The following TIPRL variants were observed in gnomAD, a reference collection of about 807,000 sequenced individuals.
TIPRL encodes TIP41-like protein.
A neutral mutation model predicts 32.3 loss-of-function variants in TIPRL; 10 were observed. That is an observed-to-expected ratio of 0.31 (90% CI 0.19 to 0.52). The LOEUF (loss-of-function observed/expected upper bound fraction) is 0.52, where lower values mean the gene tolerates loss of function less well. TIPRL is among the 20% of genes least tolerant of loss of function. The pLI is 0.96. For missense variants in TIPRL, 250 were observed against 328.1 expected (o/e 0.76, Z 1.84); for synonymous variants, 100 against 114.0 (o/e 0.88, Z 0.78).
chr1:168,183,026 A>G (rs957334783), intron 1 of TIPRL, among the ~76,000 whole-genome samples: 1 of 152,244 alleles, frequency 6.6e-6, no homozygotes, highest in Non-Finnish European at 1.5e-5. Flanking sequence ...AAGTTAGATC[A>G]CTGATATGTG....
At chr1:168,184,462 C>T (rs1700003846) in intron 2 of TIPRL, among the ~76,000 whole-genome samples, 1 of 152,054 alleles carries the variant, frequency 6.6e-6, no homozygotes. Flanking sequence ...ACATGTTTTT[C>T]TTTGATAGTC....
intron 4 of TIPRL, chr1:168,192,326 C>A: frequency 9.9e-7 from 1 of 1,010,684 alleles, no homozygotes; most frequent in Non-Finnish European, 1.2e-6. Flanking sequence ...AGCCCTCCAG[C>A]CTGGGCGACA....
rs869105832 is a variant in TIPRL at position 168,201,613 on chromosome 1, T to TAG, written c.*1569_*1570dup. On this transcript the variant is annotated 3_prime_UTR_variant, in exon 7 of 7. Transcript: ENST00000367833. Reference sequence around the variant, plus strand: ...AATGTTTTCTCTTAGGACAGAAAAGTAGACACACACACACACACACACACA... The same window carrying TAG: ...AATGTTTTCTCTTAGGACAGAAAAGTAGAGACACACACACACACACACACACA... 1 of 83,652 alleles carries TAG rather than the reference T, an allele frequency of 1.2e-5. No individual in the cohort carries two copies. The highest frequency in any genetic ancestry group is 3.1e-4 in the East Asian group (1 of 3,228). The allele number at this position is 83,652 out of a possible 1,614,324, so 5.2% of individuals were successfully genotyped here.
chr1:168,199,776 G>A, intron 6 of TIPRL, 127 bp from the exon 7 acceptor site: 1 of 784,818 alleles, frequency 1.3e-6, no homozygotes, highest in Non-Finnish European at 2.0e-6. Flanking sequence ...TTATTTTTAG[G>A]AGCACATATG....
At position 168,179,017 on chromosome 1, in the gene TIPRL, T is replaced by C. The variant is rs1342699553; in HGVS notation, c.-61T>C. On this transcript the variant is annotated 5_prime_UTR_variant, in exon 1 of 7. Coordinates refer to ENST00000367833, the MANE Select transcript of TIPRL (RefSeq NM_152902.5). Reference sequence around the variant, plus strand: ...GGCCGGAGGGAGGCGGAGGAACCGGTGTTCGCCGCCGCCGCTGCTTCAGCT... The same window carrying C: ...GGCCGGAGGGAGGCGGAGGAACCGGCGTTCGCCGCCGCCGCTGCTTCAGCT... 1 of 1,447,156 alleles carries C rather than the reference T, an allele frequency of 6.9e-7. No individual in the cohort carries two copies. Among genetic ancestry groups the C allele is most frequent in the Non-Finnish European group, 9.5e-7 (1 of 1,049,336 alleles). The allele number at this position is 1,447,156 out of a possible 1,614,324, so 89.6% of individuals were successfully genotyped here.
rs748256980 is a variant in TIPRL at position 168,184,889 on chromosome 1, C to CT, written c.384+17dup. 2 of 1,551,002 alleles carry CT rather than the reference C, an allele frequency of 1.3e-6. No individual in the cohort carries two copies. The highest frequency in any genetic ancestry group is 3.4e-5 in the Admixed American group (2 of 58,698). ...TCTCTTAAGTTAAAGGTAAATCTTA[C>CT]TTTTTTCTTTCATGAGTCATTGATT... On this transcript the variant is annotated intron_variant, in intron 3 of 6. Coordinates refer to ENST00000367833, the MANE Select transcript of TIPRL (RefSeq NM_152902.5).
Position 168,199,918 on chromosome 1 carries a change from C to G in TIPRL, c.691C>G (p.Leu231Val), listed in dbSNP as rs763920417. The G allele has an allele frequency of 4.1e-5, 66 of 1,612,620 alleles. No individual in the cohort carries two copies. Among genetic ancestry groups the G allele is most frequent in the Non-Finnish European group, 5.3e-5 (62 of 1,179,392 alleles). The change falls in exon 7 of 7, where the codon CTC becomes GTC. Residue 231 changes from leucine to valine, a missense_variant. By Grantham distance (32) the Leu-to-Val change is conservative. Coordinates refer to ENST00000367833, the MANE Select transcript of TIPRL (RefSeq NM_152902.5). ...TATTTCCTAGCATGTTCCACCTTCC[C>G]TCTTCACGGAACCTAATGAAATATC... is the stretch of plus-strand genomic sequence containing the variant. ...ISSLMHVPPS[L>V]FTEPNEISQY...
At chr1:168,194,678 CTTTTTTT>C (rs1171849152) in intron 4 of TIPRL, among the ~76,000 whole-genome samples, 3 of 151,982 alleles carry the variant, frequency 2.0e-5, no homozygotes, top group Non-Finnish European at 4.4e-5. Flanking sequence ...TACTAAAAGT[CTTTTTTT>C]TAAGTCTGTT....
chr1:168,191,689 A>G (rs1007491439), intron 4 of TIPRL, among the ~76,000 whole-genome samples, 189 bp downstream of exon 4: 3 of 151,764 alleles, frequency 2.0e-5, no homozygotes, highest in African/African-American at 7.3e-5. Flanking sequence ...TGGCTAACAC[A>G]GTGAAACCCC....
rs201890300 is a variant in TIPRL at position 168,200,169 on chromosome 1, G to GA, written c.*132dup. ...GTACAGATTTTCTGTAGCCTTAAAG[G>GA]AAAAAAAAATAAAGATCGTTACAGG... On this transcript the variant is annotated 3_prime_UTR_variant, in exon 7 of 7. Transcript: ENST00000367833. The GA allele has an allele frequency of 1.8e-3, 1,870 of 1,058,264 alleles. 10 individuals are homozygous for GA. In the East Asian group the frequency reaches 0.025, roughly 14 times the overall value. The allele number at this position is 1,058,264 out of a possible 1,614,324, so 65.6% of individuals were successfully genotyped here.
intron 5 of TIPRL, among the ~76,000 whole-genome samples, chr1:168,198,174 G>T (rs1224237440): frequency 6.6e-6 from 1 of 152,098 alleles, no homozygotes; most frequent in African/African-American, 2.4e-5. Flanking sequence ...AAGATTCTCT[G>T]TAGAGATTTC....
chr1:168,196,785 C>T (rs1222357321), intron 5 of TIPRL, 143 bp downstream of exon 5: 2 of 469,620 alleles, frequency 4.3e-6, no homozygotes, highest in Non-Finnish European at 7.2e-6. Flanking sequence ...TTCACATTCA[C>T]TGTTGACTGC....
At chr1:168,188,594 A>T (rs1283148157) in intron 3 of TIPRL, among the ~76,000 whole-genome samples, 2 of 152,146 alleles carry the variant, frequency 1.3e-5, no homozygotes, top group African/African-American at 4.8e-5. Context: ...TGCAGCCCAT[A>T]AAAATAGGTA....
At chr1:168,196,909 C>T (rs1700164925) in intron 5 of TIPRL, among the ~76,000 whole-genome samples, 1 of 152,156 alleles carries the variant, frequency 6.6e-6, no homozygotes, top group Non-Finnish European at 1.5e-5. Flanking sequence ...TTTGTATGTA[C>T]TTAATCCATG....
intron 2 of TIPRL, 84 bp from the exon 3 acceptor site, chr1:168,184,695 G>C: frequency 1.2e-6 from 1 of 828,116 alleles, no homozygotes; most frequent in Non-Finnish European, 2.0e-6. Flanking sequence ...TGTTATTATA[G>C]AATATAATTT....
intron 3 of TIPRL, 47 bp from the exon 4 acceptor site, chr1:168,191,322 C>G: frequency 6.7e-7 from 1 of 1,490,462 alleles, no homozygotes; most frequent in Non-Finnish European, 8.9e-7. Flanking sequence ...TCTGTAGCTC[C>G]TCAACTTTTT....
intron 1 of TIPRL, among the ~76,000 whole-genome samples, chr1:168,183,285 TA>T (rs1163209453): frequency 2.0e-5 from 3 of 152,144 alleles, no homozygotes; most frequent in African/African-American, 7.2e-5. Context: ...ATGTGTATAA[TA>T]TTTTTCTGTA....
chr1:168,188,302 G>A lies in TIPRL; in HGVS notation c.385-3067G>A, dbSNP rs191733031. ...GGATTTTTGTTTAGTTCTGACAGGC[G>A]CTCGAGAATATTCATAGTCAAGGAC... is the stretch of plus-strand genomic sequence containing the variant. On this transcript the variant is annotated intron_variant, in intron 3 of 6. Transcript: ENST00000367833. Among the ~76,000 whole-genome samples, 4 of 152,184 alleles carry A rather than the reference G, an allele frequency of 2.6e-5. No individual in the cohort carries two copies. In the East Asian group the frequency reaches 7.7e-4, roughly 29 times the overall value.
rs919088464 is a variant in TIPRL at position 168,184,162 on chromosome 1, A to G, written c.284+81A>G. 7.3e-6 allele frequency: 9 copies of G among 1,237,446 alleles called. No homozygotes were observed. In the African/African-American group the frequency reaches 1.2e-4, roughly 17 times the overall value. 76.7% of individuals were successfully genotyped at this position (1,237,446 alleles called of 1,614,324 possible). ...GAAAAGACTTGAAAAAATATTCAGT[A>G]ATGATACGTGTGTGTTGTTAGAATG... On this transcript the variant is annotated intron_variant, in intron 2 of 6. Transcript: ENST00000367833.
Sources: gnomAD v4.1 joint callset for allele counts (sites outside exome capture counted in the v4.1 genomes callset) on GRCh38, gnomAD v4.1.1 for gene constraint, MANE v1.5 for transcripts, NCBI Gene and HGNC (gene_info 2026-07-23, HGNC 2026-07-21) for gene names.